The following CRIM1 variants were observed in gnomAD, a reference collection of about 807,000 sequenced individuals.
CRIM1 encodes the protein cysteine rich transmembrane BMP regulator 1.
In CRIM1, 32 loss-of-function variants were observed where a neutral mutation model predicts 116.4. That is an observed-to-expected ratio of 0.27 (90% CI 0.21 to 0.37). CRIM1 has a LOEUF of 0.37. CRIM1 is among the 10% of genes least tolerant of loss of function. The probability of loss-of-function intolerance (pLI) is 1.00; values close to 1 mark genes in which losing one functional copy is unlikely to be tolerated. For synonymous variants in CRIM1, 590 were observed against 509.2 expected (o/e 1.16, Z -2.13); for missense variants, 1,331 against 1,354.8 (o/e 0.98, Z 0.28).
intron 1 of CRIM1, among the ~76,000 whole-genome samples, chr2:36,388,932 C>G (rs929470920): frequency 5.9e-5 from 9 of 152,216 alleles, no homozygotes; most frequent in Non-Finnish European, 1.3e-4. Context: ...GATTTCCTCA[C>G]TTGGACATAA....
chr2:36,504,237 T>G (rs1681227194), intron 8 of CRIM1, among the ~76,000 whole-genome samples: 2 of 152,174 alleles, frequency 1.3e-5, no homozygotes, highest in African/African-American at 2.4e-5. Context: ...CGTTGATTTG[T>G]TGTTCTTCAT....
intron 4 of CRIM1, among the ~76,000 whole-genome samples, chr2:36,459,585 G>A (rs562059075): frequency 2.6e-4 from 39 of 152,254 alleles, no homozygotes; most frequent in Non-Finnish European, 5.0e-4. Flanking sequence ...AGTTACTACC[G>A]TTACGTACTG....
At chr2:36,387,449 G>A (rs1671250117) in intron 1 of CRIM1, among the ~76,000 whole-genome samples, 1 of 152,194 alleles carries the variant, frequency 6.6e-6, no homozygotes, top group Admixed American at 6.5e-5. Context: ...CAGCTGCGTT[G>A]CTTAATCATG....
intron 13 of CRIM1, among the ~76,000 whole-genome samples, chr2:36,525,632 A>G (rs938279945): frequency 1.3e-5 from 2 of 152,178 alleles, no homozygotes; most frequent in African/African-American, 4.8e-5. Flanking sequence ...AACTCAGATT[A>G]TCATCTATTC....
At chr2:36,522,442 C>T in intron 13 of CRIM1, 129 bp downstream of exon 13, 1 of 701,868 alleles carries the variant, frequency 1.4e-6, no homozygotes, top group South Asian at 1.7e-5. Context: ...CACACAGACC[C>T]AGTGTAGCAA....
intron 2 of CRIM1, among the ~76,000 whole-genome samples, chr2:36,425,345 A>G (rs1449295803): frequency 6.6e-6 from 1 of 152,234 alleles, no homozygotes; most frequent in African/African-American, 2.4e-5. Flanking sequence ...TAATATCAGA[A>G]GATCAACTGC....
In CRIM1 at chr2:36,356,149, G is replaced by C. The variant is rs1248223757; in HGVS notation, c.-144G>C. ...GCGGGGGCCTCGCCCCGCGAGGGGA[G>C]GCGCGCCCCGGGGGCCCCGAGAGGG... is the stretch of plus-strand genomic sequence containing the variant. On this transcript the variant is annotated 5_prime_UTR_variant, in exon 1 of 17. Coordinates refer to ENST00000280527, the MANE Select transcript of CRIM1 (RefSeq NM_016441.3). This position sits in a 1 kb window ranked among gnomAD's most constrained non-coding sequence, Gnocchi z 4.3. The C allele has an allele frequency of 3.2e-5, 6 of 185,710 alleles. No homozygotes were observed. Among genetic ancestry groups the C allele is most frequent in the Non-Finnish European group, 5.3e-5 (5 of 95,004 alleles). The allele number at this position is 185,710 out of a possible 1,614,324, so 11.5% of individuals were successfully genotyped here.
At chr2:36,543,002 G>A (rs1024543309) in intron 14 of CRIM1, among the ~76,000 whole-genome samples, 4 of 152,144 alleles carry the variant, frequency 2.6e-5, no homozygotes, top group Non-Finnish European at 4.4e-5. Flanking sequence ...AATGTTTTCA[G>A]TAACTTCTAT....
intron 13 of CRIM1, among the ~76,000 whole-genome samples, chr2:36,527,426 G>A (rs946745088): frequency 1.1e-4 from 16 of 151,986 alleles, no homozygotes; most frequent in African/African-American, 3.1e-4. Context: ...ACTAATATTC[G>A]AAGTGGGACT....
In CRIM1 at chr2:36,439,976, T is replaced by C. The variant is rs925865523; in HGVS notation, c.506-1282T>C. ...AATGTTTCAGTGAATTTACTAGAACTATAAGTATGAAGAGTCTCCTATATT... is the reference window on the plus strand; with the variant it reads ...AATGTTTCAGTGAATTTACTAGAACCATAAGTATGAAGAGTCTCCTATATT... On this transcript the variant is annotated intron_variant, in intron 2 of 16. Transcript: ENST00000280527. Among the ~76,000 whole-genome samples, 13 of 152,154 alleles carry C rather than the reference T, an allele frequency of 8.5e-5. 1 individual carries two copies. Among genetic ancestry groups the C allele is most frequent in the Non-Finnish European group, 2.9e-5 (2 of 68,038 alleles).
At chr2:36,468,165 C>T (rs1247137670) in intron 5 of CRIM1, among the ~76,000 whole-genome samples, 2 of 152,178 alleles carry the variant, frequency 1.3e-5, no homozygotes, top group East Asian at 3.8e-4. Context: ...ATGACTGACC[C>T]CACATGCAGA....
chr2:36,521,245 T>C (rs1435249224), intron 12 of CRIM1, among the ~76,000 whole-genome samples: 1 of 152,196 alleles, frequency 6.6e-6, no homozygotes, highest in Non-Finnish European at 1.5e-5. Flanking sequence ...TCTCAGTCTT[T>C]AGATAGCAAA....
At chr2:36,531,510 T>C (rs1030171753) in intron 13 of CRIM1, among the ~76,000 whole-genome samples, 2 of 152,100 alleles carry the variant, frequency 1.3e-5, no homozygotes, top group African/African-American at 4.8e-5. Context: ...ATTGGATCTT[T>C]GTAGAGGAAG....
chr2:36,526,994 A>AAATTATGACTTGGC (rs1336750081), intron 13 of CRIM1, among the ~76,000 whole-genome samples: 39 of 152,264 alleles, frequency 2.6e-4, no homozygotes, highest in Non-Finnish European at 5.0e-4. Flanking sequence ...ATTGTTTTGA[A>AAATTATGACTTGGC]AATTATGACT....
chr2:36,456,891 T>G (rs1677179366), intron 4 of CRIM1, among the ~76,000 whole-genome samples: 1 of 152,012 alleles, frequency 6.6e-6, no homozygotes, highest in African/African-American at 2.4e-5. Context: ...CGTTGTTTTC[T>G]CCCCACCACA....
intron 7 of CRIM1, among the ~76,000 whole-genome samples, chr2:36,481,249 A>T (rs187691951): frequency 6.6e-6 from 1 of 152,300 alleles, no homozygotes; most frequent in African/African-American, 2.4e-5. Context: ...ATCCATCATG[A>T]AGAGTGGAGA....
intron 7 of CRIM1, among the ~76,000 whole-genome samples, chr2:36,490,935 T>C (rs1265617884): frequency 3.0e-4 from 46 of 152,208 alleles, no homozygotes; most frequent in Non-Finnish European, 8.8e-5. Flanking sequence ...CATTCTGCTA[T>C]GCACTCTTCC....
intron 4 of CRIM1, among the ~76,000 whole-genome samples, chr2:36,443,976 A>G (rs746194046): frequency 6.6e-6 from 1 of 152,236 alleles, no homozygotes; most frequent in East Asian, 1.9e-4. Context: ...TTATGTGCAG[A>G]TGCTTAGGAA....
chr2:36,420,467 A>G (rs936349843), intron 2 of CRIM1, among the ~76,000 whole-genome samples: 11 of 152,086 alleles, frequency 7.2e-5, no homozygotes, highest in African/African-American at 2.7e-4. Flanking sequence ...TATTGTCTCA[A>G]CTGTTCAGTC....
Sources: allele counts gnomAD v4.1 joint callset (sites outside exome capture counted in the v4.1 genomes callset), GRCh38; gene constraint gnomAD v4.1.1; non-coding constraint Gnocchi (gnomAD v3.1); transcripts MANE v1.5; gene names NCBI Gene and HGNC (gene_info 2026-07-23, HGNC 2026-07-21).